The following RASA3 variants were observed in gnomAD, a reference collection of about 807,000 sequenced individuals.
The protein encoded by RASA3 is ras GTPase-activating protein 3.
In RASA3, 73 loss-of-function variants were observed where a neutral mutation model predicts 110.0. The ratio of observed to expected loss-of-function variants is 0.66; its 90% CI spans 0.55 to 0.81. RASA3 has a LOEUF of 0.81. Among genes scored for constraint, RASA3 ranks in the 30% least tolerant of loss-of-function variants. The pLI is 0.00. For missense variants in RASA3, 976 were observed against 1,113.2 expected (o/e 0.88, Z 1.75); for synonymous variants, 500 against 451.4 (o/e 1.11, Z -1.37).
At chr13:114,030,538 G>GGCAAGGCTCACGCAGAGA (rs1566502129) in intron 4 of RASA3, among the ~76,000 whole-genome samples, 2 of 121,820 alleles carry the variant, frequency 1.6e-5, no homozygotes, top group African/African-American at 5.9e-5. Flanking sequence ...TCACACAGAG[G>GGCAAGGCTCACGCAGAGA]GCAAGACTCA....
At chr13:114,073,649 G>A (rs1215618701) in intron 2 of RASA3, 71 bp downstream of exon 2, 8 of 1,243,234 alleles carry the variant, frequency 6.4e-6, no homozygotes, top group Non-Finnish European at 9.5e-6. Context: ...GGAAGGTGAC[G>A]TACACCCTTG....
chr13:114,083,401 CAGAGAG>C (rs1885412271), intron 1 of RASA3, among the ~76,000 whole-genome samples: 1 of 152,238 alleles, frequency 6.6e-6, no homozygotes, highest in Non-Finnish European at 1.5e-5. Context: ...GCCCCAAAGC[CAGAGAG>C]AGGAGAGCAG....
At chr13:114,067,242 C>T (rs751103599) in intron 2 of RASA3, among the ~76,000 whole-genome samples, 24 of 145,408 alleles carry the variant, frequency 1.7e-4, no homozygotes, top group African/African-American at 2.3e-4. Context: ...GATGGGCCCC[C>T]ACCTGCGGAC....
rs928108863 is a variant in RASA3, at chr13:114,015,131, G to T, written c.1405+78C>A. On this transcript the variant is annotated intron_variant, in intron 14 of 23. Coordinates refer to ENST00000334062, the MANE Select transcript of RASA3 (RefSeq NM_007368.4). ...TTCTAGTCTAGCCAGGGCTGCGGGG[G>T]GTTCTGCCTGGGTGGGAGTCACCCT... 39 of 1,569,302 alleles carry T rather than the reference G, an allele frequency of 2.5e-5. 1 individual carries two copies. The East Asian group carries it at 3.4e-4, about 14-fold the overall frequency.
In RASA3 at chr13:113,996,563, G is replaced by T; in HGVS notation, c.2109C>A (p.Ser703=). ...AGGGCGAGCAGCCCGGAGCCGAGTC[G>T]GATGGCGCCCTACAGCACAGCCAGT... The part of the protein sequence containing the change: ...SGHWLCCRAP[S]DSAPGCSPCT... The change falls in exon 21 of 24, where the codon TCC becomes TCA. Residue 703 remains serine, a synonymous_variant. Coordinates refer to ENST00000334062, the MANE Select transcript of RASA3 (RefSeq NM_007368.4). 1 of 1,613,096 alleles carries T rather than the reference G, an allele frequency of 6.2e-7. No homozygotes were observed. Among genetic ancestry groups the T allele is most frequent in the South Asian group, 1.1e-5 (1 of 91,060 alleles).
At position 114,114,907 on chromosome 13, in the gene RASA3, C is replaced by CG. The variant is rs2080258184; in HGVS notation, c.55+17527dup. Among the ~76,000 whole-genome samples the CG allele has an allele frequency of 6.6e-6, 1 of 152,116 alleles. No homozygotes were observed. Among genetic ancestry groups the CG allele is most frequent in the African/African-American group, 2.4e-5 (1 of 41,436 alleles). ...CTAAGCTGGTAAGCTGGGAAATTCC[C>CG]GGGCACGACCCCTGGCCGTGGGTGA... On this transcript the variant is annotated intron_variant, in intron 1 of 23. Coordinates refer to ENST00000334062, the MANE Select transcript of RASA3 (RefSeq NM_007368.4). This position sits in a 1 kb window ranked among gnomAD's most constrained non-coding sequence, Gnocchi z 4.8.
At chr13:114,069,759 T>C (rs189206156) in intron 2 of RASA3, among the ~76,000 whole-genome samples, 6 of 312 alleles carry the variant, frequency 0.019, no homozygotes, top group African/African-American at 0.11. Flanking sequence ...CTTGGGGGGC[T>C]GGGAGACTCG....
intron 1 of RASA3, among the ~76,000 whole-genome samples, chr13:114,121,272 T>C (rs1294300716): frequency 1.3e-5 from 2 of 152,212 alleles, no homozygotes; most frequent in Non-Finnish European, 2.9e-5. Context: ...CCGAGCCTCC[T>C]GGGACCAGGC....
At chr13:113,982,342 T>A (rs1225011398) in intron 22 of RASA3, among the ~76,000 whole-genome samples, 4 of 152,156 alleles carry the variant, frequency 2.6e-5, no homozygotes, top group Non-Finnish European at 5.9e-5. Context: ...ACTGAGCATG[T>A]CCAGCCAGGA....
Position 114,073,759 on chromosome 13 carries a change from T to C in RASA3, c.134A>G (p.Glu45Gly), listed in dbSNP as rs1230453570. 7 of 1,614,096 alleles carry C rather than the reference T, an allele frequency of 4.3e-6. No homozygotes were observed. The Admixed American group carries it at 6.7e-5, about 15-fold the overall frequency. ...DCYCTVNLDQ[E>G]EVFRTKIVEK... The stretch of plus-strand genomic sequence containing the variant: ...CACAATTTTGGTCCTGAAAACCTCC[T>C]CCTGGTCCAGGTTCACCGTGCAGTA... The change falls in exon 2 of 24, where the codon GAG becomes GGG. Residue 45 changes from glutamate to glycine, a missense_variant. Around this residue, in one of 4 missense-constraint regions of RASA3, gnomAD observed 732 missense variants for 779.7 expected, o/e 0.94. Coordinates refer to ENST00000334062, the MANE Select transcript of RASA3 (RefSeq NM_007368.4).
intron 22 of RASA3, among the ~76,000 whole-genome samples, chr13:113,984,622 T>C (rs1347007810): frequency 7.2e-5 from 3 of 41,608 alleles, no homozygotes; most frequent in South Asian, 1.7e-3. Flanking sequence ...TCCATCCACC[T>C]ATCACTCACC....
At chr13:114,072,698 G>A (rs1488354697) in intron 2 of RASA3, among the ~76,000 whole-genome samples, 2 of 152,180 alleles carry the variant, frequency 1.3e-5, no homozygotes, top group African/African-American at 4.8e-5. Context: ...GCACCACCAA[G>A]GACAGAAGCT....
At position 114,022,844 on chromosome 13, in the gene RASA3, G is replaced by A. The variant is rs80080350; in HGVS notation, c.681-1336C>T. ...GGTGTAAAAAGAAACCAACAATGGC[G>A]CTTCCTTCTCTTGAAAAAGGGGCTG... is the stretch of plus-strand genomic sequence containing the variant. On this transcript the variant is annotated intron_variant, in intron 8 of 23. Transcript: ENST00000334062. 8.3e-3 allele frequency among the ~76,000 whole-genome samples: 1,259 copies of A among 152,334 alleles called. 23 individuals are homozygous for A. The highest frequency in any genetic ancestry group is 0.028 in the African/African-American group (1,183 of 41,572).
At chr13:114,043,608 G>A (rs1337278365) in intron 3 of RASA3, among the ~76,000 whole-genome samples, 1 of 152,106 alleles carries the variant, frequency 6.6e-6, no homozygotes, top group African/African-American at 2.4e-5. Context: ...ATCTGGAGCT[G>A]CACGGGACGC....
At chr13:114,128,375 C>T (rs1004421217) in intron 1 of RASA3, among the ~76,000 whole-genome samples, 1 of 152,254 alleles carries the variant, frequency 6.6e-6, no homozygotes, top group Non-Finnish European at 1.5e-5. Flanking sequence ...CTGTGACCAG[C>T]GGCCTCCACC....
At chr13:114,034,009 T>C (rs1460506371) in intron 4 of RASA3, among the ~76,000 whole-genome samples, 1 of 152,244 alleles carries the variant, frequency 6.6e-6, no homozygotes, top group East Asian at 1.9e-4. Flanking sequence ...GTATCGCCTG[T>C]GGTCCTCACC....
In RASA3 at chr13:114,071,045, G is replaced by A. The variant is rs572927069; in HGVS notation, c.173+2675C>T. Among the ~76,000 whole-genome samples, 6 of 152,282 alleles carry A rather than the reference G, an allele frequency of 3.9e-5. No individual in the cohort carries two copies. The South Asian group carries it at 1.2e-3, about 32-fold the overall frequency. Reference sequence around the variant, plus strand: ...AGGGCTGCCGGCGTCCACGCTAAACGGTGCCACAGTTTTACTCTCTTGGAA... The same window carrying A: ...AGGGCTGCCGGCGTCCACGCTAAACAGTGCCACAGTTTTACTCTCTTGGAA... On this transcript the variant is annotated intron_variant, in intron 2 of 23. Coordinates refer to ENST00000334062, the MANE Select transcript of RASA3 (RefSeq NM_007368.4).
intron 1 of RASA3, among the ~76,000 whole-genome samples, chr13:114,108,036 G>A (rs950279205): frequency 2.0e-5 from 3 of 151,908 alleles, no homozygotes; most frequent in African/African-American, 4.8e-5. Flanking sequence ...TGAACACTAC[G>A]AAAAACCTGA....
At chr13:114,043,595 G>A (rs1452615037) in intron 3 of RASA3, among the ~76,000 whole-genome samples, 1 of 152,066 alleles carries the variant, frequency 6.6e-6, no homozygotes, top group Non-Finnish European at 1.5e-5. Context: ...ACATACACAG[G>A]CCATCTGGAG....
Sources: gnomAD v4.1 joint callset for allele counts (sites outside exome capture counted in the v4.1 genomes callset) on GRCh38, gnomAD v4.1.1 for gene constraint, gnomAD v4.1.1 regional missense constraint, Gnocchi (gnomAD v3.1) non-coding constraint, MANE v1.5 for transcripts, NCBI Gene and HGNC (gene_info 2026-07-23, HGNC 2026-07-21) for gene names.